The following NRIP1 variants were observed in gnomAD, a reference collection of about 807,000 sequenced individuals.
The protein encoded by NRIP1 is nuclear receptor interacting protein 1.
In NRIP1, 28 loss-of-function variants were observed where a neutral mutation model predicts 75.0. The observed-to-expected ratio is 0.37, with a 90% CI of 0.28 to 0.51. The LOEUF is 0.51. Among genes scored for constraint, NRIP1 ranks in the 20% least tolerant of loss-of-function variants. NRIP1 has a pLI of 0.92. For missense variants in NRIP1, 1,435 were observed against 1,343.7 expected (o/e 1.07, Z -1.06); for synonymous variants, 526 against 487.6 (o/e 1.08, Z -1.04).
At chr21:15,007,602 C>T (rs2088002747) in intron 3 of NRIP1, among the ~76,000 whole-genome samples, 1 of 152,136 alleles carries the variant, frequency 6.6e-6, no homozygotes, top group African/African-American at 2.4e-5. Context: ...GAACTATCAA[C>T]CTTCATTAAG....
At chr21:15,031,592 C>T (rs1350017158) in intron 2 of NRIP1, among the ~76,000 whole-genome samples, 8 of 123,354 alleles carry the variant, frequency 6.5e-5, no homozygotes, top group South Asian at 2.8e-4. Context: ...GGAAGGCGCT[C>T]GGAGGATCAC....
chr21:15,037,883 T>C (rs2088870076), intron 2 of NRIP1, among the ~76,000 whole-genome samples: 2 of 152,074 alleles, frequency 1.3e-5, no homozygotes, highest in Admixed American at 6.5e-5. Context: ...ATGTATTGGG[T>C]AATAAAAACT....
chr21:14,983,475 G>C (rs570693555), intron 3 of NRIP1, among the ~76,000 whole-genome samples: 1 of 152,278 alleles, frequency 6.6e-6, no homozygotes, highest in South Asian at 2.1e-4. Context: ...CAATAAAACT[G>C]CAAAGGGAAG....
rs1201229225 is a variant in NRIP1, at chr21:14,966,074, G to A, written c.2119C>T (p.Leu707Phe). The change falls in exon 4 of 4, where the codon CTT becomes TTT. Residue 707 changes from leucine (L) to phenylalanine (F), a missense_variant. Transcript: ENST00000318948. Reference sequence around the variant, plus strand: ...AACTGGAGGACAGTACGTCTTTCAAGCAGATTTTCTATTTCAGAACCAGAA... The same window carrying A: ...AACTGGAGGACAGTACGTCTTTCAAACAGATTTTCTATTTCAGAACCAGAA... The part of the protein sequence containing the change: ...GLSGSEIENL[L>F]ERRTVLQLLL... 2.5e-6 allele frequency: 4 copies of A among 1,612,290 alleles called. No homozygotes were observed. The South Asian group carries it at 3.3e-5, about 13-fold the overall frequency.
intron 2 of NRIP1, among the ~76,000 whole-genome samples, 174 bp from the exon 3 acceptor site, chr21:15,014,640 A>G (rs529909184): frequency 6.2e-4 from 94 of 152,326 alleles, no homozygotes; most frequent in Admixed American, 9.2e-4. Flanking sequence ...ACAGAAAGCA[A>G]TAGATCTCTG....
chr21:15,017,199 T>A (rs927643643), intron 2 of NRIP1, among the ~76,000 whole-genome samples: 1 of 152,052 alleles, frequency 6.6e-6, no homozygotes, highest in African/African-American at 2.4e-5. Flanking sequence ...AGGAAATATC[T>A]CTAGAGGAAC....
intron 1 of NRIP1, chr21:15,050,282 C>T (rs2223041): frequency 0.45 from 77,540 of 171,918 alleles, 19,403 homozygotes; most frequent in East Asian, 0.83. Flanking sequence ...TACATTTCTA[C>T]TTAAACTCAA....
At chr21:14,992,435 T>C (rs2822999) in intron 3 of NRIP1, 1 of 152,090 alleles carries the variant, frequency 6.6e-6, no homozygotes, top group African/African-American at 2.4e-5. Flanking sequence ...TTTTGTAGTT[T>C]ATAACATATT....
rs745616184 is a variant in NRIP1 at position 14,967,525 on chromosome 21, C to G, written c.668G>C (p.Gly223Ala). ...DRFAESPHHV[G>A]QSGTKVMSEP... ...ACTCATGACCTTTGTTCCACTTTGTCCAACATGATGAGGAGACTCTGCAAA... is the reference window on the plus strand; with the variant it reads ...ACTCATGACCTTTGTTCCACTTTGTGCAACATGATGAGGAGACTCTGCAAA... Residue 223 changes from glycine to alanine, a missense_variant, in exon 4 of 4, where the codon GGA (glycine) becomes GCA (alanine). Coordinates refer to ENST00000318948, the MANE Select transcript of NRIP1 (RefSeq NM_003489.4). 6.2e-7 allele frequency: 1 copy of G among 1,614,136 alleles called. No homozygotes were observed.
chr21:14,997,214 GGTTTA>G (rs764074332), intron 3 of NRIP1, among the ~76,000 whole-genome samples: 6 of 152,036 alleles, frequency 3.9e-5, no homozygotes, highest in African/African-American at 7.2e-5. Context: ...GAAAGATAAA[GGTTTA>G]GTTAAGATTT....
At position 14,965,415 on chromosome 21, in the gene NRIP1, C is replaced by T; in HGVS notation, c.2778G>A (p.Trp926Ter). 1 of 1,613,974 alleles carries T rather than the reference C, an allele frequency of 6.2e-7. No individual in the cohort carries two copies. Among genetic ancestry groups the T allele is most frequent in the Non-Finnish European group, 8.5e-7 (1 of 1,179,942 alleles). The part of the protein sequence containing the change: ...GSASESEHRS[W>*]ARESKSFNVL... ...CATTAAAGCTTTTGCTCTCTCTGGCCCAACTCCTGTGTTCACTTTCGCTGG... is the reference window on the plus strand; with the variant it reads ...CATTAAAGCTTTTGCTCTCTCTGGCTCAACTCCTGTGTTCACTTTCGCTGG... Residue 926 changes from tryptophan (W) to a stop codon, truncating the protein, a stop_gained, in exon 4 of 4, where the codon TGG becomes TGA. Coordinates refer to ENST00000318948, the MANE Select transcript of NRIP1 (RefSeq NM_003489.4). LOFTEE classifies it high-confidence loss of function.
Position 15,007,489 on chromosome 21 carries a change from T to TA in NRIP1, c.-335+6854dup, listed in dbSNP as rs541013151. On this transcript the variant is annotated intron_variant, in intron 3 of 3. Transcript: ENST00000318948. ...AGCCTAGGTTTGATAAACACTGTGC[T>TA]AAAAAAATGATTTCTACAAAGTTTC... Among the ~76,000 whole-genome samples, 257 of 152,276 alleles carry TA rather than the reference T, an allele frequency of 1.7e-3. 1 individual carries two copies. The highest frequency in any genetic ancestry group is 3.0e-3 in the Non-Finnish European group (202 of 68,006).
In NRIP1 at chr21:14,965,202, G is replaced by A; in HGVS notation, c.2991C>T (p.Asn997=). The A allele has an allele frequency of 6.2e-7, 1 of 1,613,816 alleles. No individual in the cohort carries two copies. The highest frequency in any genetic ancestry group is 8.5e-7 in the Non-Finnish European group (1 of 1,179,930). The change falls in exon 4 of 4, where the codon AAC becomes AAT. Residue 997 remains asparagine (N), a synonymous_variant. Coordinates refer to ENST00000318948, the MANE Select transcript of NRIP1 (RefSeq NM_003489.4). ...SSTQPSSCMD[N]RTFSYPGVVK... Reference sequence around the variant, plus strand: ...CTACACCTGGGTATGAAAATGTCCTGTTATCCATGCAACTGCTGGGCTGAG... The same window carrying A: ...CTACACCTGGGTATGAAAATGTCCTATTATCCATGCAACTGCTGGGCTGAG...
At chr21:15,032,137 C>T (rs77720229) in intron 2 of NRIP1, among the ~76,000 whole-genome samples, 4,270 of 152,294 alleles carry the variant, frequency 0.028, 86 homozygotes, top group Non-Finnish European at 0.046. Context: ...GATAGTTTGA[C>T]CCAAAGGGGT....
rs1568933422 is a variant in NRIP1 at position 14,964,441 on chromosome 21, TAA to T, written c.*273_*274del. On this transcript the variant is annotated 3_prime_UTR_variant, in exon 4 of 4. Transcript: ENST00000318948. ...CATTTTAATTTATGCCTAATATTTATAAAAGAATTTCATTCATAGGCTACTCA... is the reference window on the plus strand; with the variant it reads ...CATTTTAATTTATGCCTAATATTTATAAGAATTTCATTCATAGGCTACTCA... The T allele has an allele frequency of 3.7e-6, 1 of 273,786 alleles. No individual in the cohort carries two copies. Among genetic ancestry groups the T allele is most frequent in the Non-Finnish European group, 6.8e-6 (1 of 147,160 alleles). 17.0% of individuals were successfully genotyped at this position (273,786 alleles called of 1,614,324 possible).
At chr21:14,980,729 T>A (rs1436621286) in intron 3 of NRIP1, among the ~76,000 whole-genome samples, 1 of 152,062 alleles carries the variant, frequency 6.6e-6, no homozygotes, top group Non-Finnish European at 1.5e-5. Context: ...TACCACCTGC[T>A]GTAGCTTTAT....
intron 2 of NRIP1, among the ~76,000 whole-genome samples, chr21:15,041,990 CT>C (rs1669162393): frequency 3.3e-5 from 5 of 152,136 alleles, no homozygotes; most frequent in African/African-American, 1.2e-4. Flanking sequence ...GAAGAATATG[CT>C]GGTTTGCCAA....
intron 2 of NRIP1, among the ~76,000 whole-genome samples, chr21:15,030,106 G>C (rs2088610050): frequency 6.6e-6 from 1 of 152,190 alleles, no homozygotes; most frequent in Admixed American, 6.5e-5. Context: ...TATGACCAGT[G>C]AAGTTGACAA....
intron 3 of NRIP1, among the ~76,000 whole-genome samples, chr21:15,011,341 C>G (rs893031873): frequency 6.6e-6 from 1 of 152,140 alleles, no homozygotes; most frequent in Non-Finnish European, 1.5e-5. Context: ...AGGCGCCCGC[C>G]ATGGCGCCCG....
Sources: gnomAD v4.1 joint callset for allele counts (sites outside exome capture counted in the v4.1 genomes callset) on GRCh38, gnomAD v4.1.1 for gene constraint, MANE v1.5 for transcripts, NCBI Gene and HGNC (gene_info 2026-07-23, HGNC 2026-07-21) for gene names.